The following TYW1 variants were observed in gnomAD, a reference collection of about 807,000 sequenced individuals.
TYW1 encodes tRNA-yW synthesizing protein 1 homolog, also known as S-adenosyl-L-methionine-dependent tRNA 4-demethylwyosine synthase TYW1.
Under a neutral mutation model 96.2 loss-of-function variants are expected in TYW1, and 46 were observed. That is an observed-to-expected ratio of 0.48 (90% CI 0.38 to 0.61). The LOEUF is 0.61. Ranked by LOEUF, TYW1 falls within the 20% of genes least tolerant of loss-of-function variation. TYW1 has a pLI of 0.00. For synonymous variants in TYW1, 274 were observed against 323.0 expected, an observed-to-expected ratio of 0.85 and a Z score of 1.63; for missense variants, 684 against 909.6, an observed-to-expected ratio of 0.75 and a Z score of 3.19.
Position 67,209,666 on chromosome 7 carries a change from G to C in TYW1, c.1977+14329G>C, listed in dbSNP as rs185290261. Among the ~76,000 whole-genome samples the C allele has an allele frequency of 1.1e-3, 169 of 152,110 alleles. 4 individuals carry two copies. In the East Asian group the frequency reaches 0.031, roughly 28 times the overall value. On this transcript the variant is annotated intron_variant, in intron 15 of 15. Transcript: ENST00000359626. ...CAGCTCGCTGCAACCTCCATCTCCCGGGTTCAAGCAATTCTCCTACCTCAG... is the reference window on the plus strand; with the variant it reads ...CAGCTCGCTGCAACCTCCATCTCCCCGGTTCAAGCAATTCTCCTACCTCAG...
chr7:67,017,831 C>G (rs374923860), intron 5 of TYW1, 22 bp from the exon 6 acceptor site: 1 of 1,599,546 alleles, frequency 6.3e-7, no homozygotes, highest in Admixed American at 1.7e-5. Flanking sequence ...GTGCTTTTAG[C>G]CTATCTATCT....
intron 1 of TYW1, among the ~76,000 whole-genome samples, chr7:66,997,403 TAA>T (rs1406551675): frequency 6.6e-6 from 1 of 152,156 alleles, no homozygotes; most frequent in African/African-American, 2.4e-5. Flanking sequence ...GTACAGTTAG[TAA>T]AAAGAGTGCT....
In TYW1 at chr7:66,998,080, C is replaced by T. The variant is rs745334530; in HGVS notation, c.20C>T (p.Thr7Ile). 3 of 1,600,172 alleles carry T rather than the reference C, an allele frequency of 1.9e-6. No homozygotes were observed. Among genetic ancestry groups the T allele is most frequent in the Non-Finnish European group, 8.5e-7 (1 of 1,176,080 alleles). MDPSAD[T>I]WDLFSPLISL... is the part of the protein sequence containing the mutation. ...TTAAATTTAGATCCTTCTGCGGATA[C>T]ATGGGACCTCTTCTCACCTTTAATA... The change falls in exon 2 of 16, where the codon ACA becomes ATA. Residue 7 changes from threonine to isoleucine, a missense_variant. Coordinates refer to ENST00000359626, the MANE Select transcript of TYW1 (RefSeq NM_018264.4).
chr7:67,146,172 A>G (rs1438343766), intron 13 of TYW1, among the ~76,000 whole-genome samples: 2 of 152,178 alleles, frequency 1.3e-5, no homozygotes, highest in Admixed American at 6.5e-5. Context: ...CCTTTGTAAC[A>G]TAAGTAGTTT....
At chr7:67,193,231 C>T (rs756202671) in intron 14 of TYW1, among the ~76,000 whole-genome samples, 3 of 152,174 alleles carry the variant, frequency 2.0e-5, no homozygotes, top group East Asian at 3.9e-4. Context: ...GCTTGAACTC[C>T]GTTTAATGAA....
intron 2 of TYW1, among the ~76,000 whole-genome samples, 177 bp downstream of exon 2, chr7:66,998,372 TCTTTA>T (rs966656472): frequency 2.0e-5 from 3 of 152,230 alleles, no homozygotes; most frequent in African/African-American, 7.2e-5. Flanking sequence ...TGGATTAAGT[TCTTTA>T]CTTTTTCTTT....
chr7:67,135,365 C>CA (rs149883819), intron 13 of TYW1, among the ~76,000 whole-genome samples: 34,614 of 142,882 alleles, frequency 0.24, 4,447 homozygotes, highest in African/African-American at 0.32. Flanking sequence ...AGTACAGTGG[C>CA]ATGATCTTAG....
At chr7:67,015,128 A>G (rs1793972322) in intron 5 of TYW1, among the ~76,000 whole-genome samples, 1 of 151,506 alleles carries the variant, frequency 6.6e-6, no homozygotes, top group South Asian at 2.1e-4. Context: ...CAGCCTCCCG[A>G]GTAGCTGGGA....
intron 11 of TYW1, 134 bp downstream of exon 11, chr7:67,083,673 G>A: frequency 1.1e-6 from 1 of 947,774 alleles, no homozygotes; most frequent in Non-Finnish European, 1.6e-6. Context: ...AAACTTTGTA[G>A]GAATATTATA....
chr7:67,186,877 C>T (rs1392688359), intron 14 of TYW1, among the ~76,000 whole-genome samples: 1 of 152,042 alleles, frequency 6.6e-6, no homozygotes, highest in Admixed American at 6.6e-5. Flanking sequence ...TATTTGTGAG[C>T]TCTCTCCATG....
chr7:67,008,412 G>A (rs1485006188), intron 3 of TYW1, among the ~76,000 whole-genome samples: 6 of 152,196 alleles, frequency 3.9e-5, no homozygotes, highest in African/African-American at 1.4e-4. Flanking sequence ...AGGAGGTGCT[G>A]AGTTTAACTT....
intron 12 of TYW1, among the ~76,000 whole-genome samples, chr7:67,105,001 G>A (rs975031789): frequency 3.9e-5 from 6 of 152,220 alleles, no homozygotes; most frequent in East Asian, 1.9e-4. Context: ...TGGGGCCCAG[G>A]GGCCTCTACT....
At chr7:67,089,328 C>G (rs543694612) in intron 11 of TYW1, 1 of 1,294,894 alleles carries the variant, frequency 7.7e-7, no homozygotes, top group Non-Finnish European at 1.1e-6. Flanking sequence ...TGGGAGGGCC[C>G]TTCTCGAGGT....
At chr7:67,029,237 G>A (rs1297035387) in intron 7 of TYW1, among the ~76,000 whole-genome samples, 8 of 151,244 alleles carry the variant, frequency 5.3e-5, no homozygotes, top group Non-Finnish European at 1.2e-4. Context: ...CACCCACCTC[G>A]GCCTCCCAAA....
intron 10 of TYW1, among the ~76,000 whole-genome samples, chr7:67,080,683 G>C (rs1487139459): frequency 6.6e-6 from 1 of 152,180 alleles, no homozygotes; most frequent in Non-Finnish European, 1.5e-5. Context: ...ACAGGCGTGA[G>C]CCACCACACC....
intron 12 of TYW1, among the ~76,000 whole-genome samples, chr7:67,108,442 T>C (rs555831326): frequency 1.3e-4 from 17 of 135,074 alleles, no homozygotes; most frequent in African/African-American, 4.7e-4. Context: ...ACAGATTTTT[T>C]CTTTTTTTTT....
chr7:67,030,291 T>C (rs1229386691), intron 7 of TYW1, among the ~76,000 whole-genome samples: 1 of 152,120 alleles, frequency 6.6e-6, no homozygotes, highest in East Asian at 1.9e-4. Context: ...ACTTAGGAAA[T>C]GCCAAGGTTT....
intron 13 of TYW1, among the ~76,000 whole-genome samples, chr7:67,144,127 G>T (rs1205498623): frequency 6.6e-6 from 1 of 152,152 alleles, no homozygotes; most frequent in Non-Finnish European, 1.5e-5. Flanking sequence ...GGACTCCAAG[G>T]CCTAGATGAC....
At chr7:67,072,453 T>A (rs1244437512) in intron 10 of TYW1, among the ~76,000 whole-genome samples, 1 of 152,100 alleles carries the variant, frequency 6.6e-6, no homozygotes, top group Non-Finnish European at 1.5e-5. Flanking sequence ...TTCACCATGT[T>A]GGCCAGGCTG....
Sources: gnomAD v4.1 joint callset for allele counts (sites outside exome capture counted in the v4.1 genomes callset) on GRCh38, gnomAD v4.1.1 for gene constraint, MANE v1.5 for transcripts, NCBI Gene and HGNC (gene_info 2026-07-23, HGNC 2026-07-21) for gene names.